Variants in FGF12 observed in about 807,000 individuals in gnomAD.
FGF12 encodes the protein fibroblast growth factor 12B.
In FGF12, 14 loss-of-function variants were observed where a neutral mutation model predicts 23.6. The ratio of observed to expected loss-of-function variants is 0.59; its 90% CI spans 0.39 to 0.93. The LOEUF (loss-of-function observed/expected upper bound fraction) is 0.93. FGF12 is among the 40% of genes least tolerant of loss of function. FGF12 has a pLI of 0.00. For missense variants in FGF12, 175 were observed against 217.8 expected (o/e 0.80, Z 1.24); for synonymous variants, 62 against 77.3 (o/e 0.80, Z 1.04).
chr3:192,698,611 A>G (rs2654708), intron 2 of FGF12, among the ~76,000 whole-genome samples: 149,915 of 152,262 alleles, frequency 0.98, 73,813 homozygotes, highest in East Asian at 1. Flanking sequence ...CAATTCCATT[A>G]AACCTTACTC....
intron 2 of FGF12, among the ~76,000 whole-genome samples, chr3:192,421,204 T>C (rs940579297): frequency 2.0e-5 from 3 of 152,160 alleles, no homozygotes; most frequent in East Asian, 3.9e-4. Context: ...TGTGTGACCA[T>C]AGAAAGGTCA....
At chr3:192,444,568 T>C (rs1022810354) in intron 2 of FGF12, among the ~76,000 whole-genome samples, 2 of 152,212 alleles carry the variant, frequency 1.3e-5, no homozygotes, top group East Asian at 1.9e-4. Context: ...TGTCATTCTA[T>C]GTTCTAAGAA....
At chr3:192,221,216 A>C (rs1258320724) in intron 4 of FGF12, among the ~76,000 whole-genome samples, 2 of 152,172 alleles carry the variant, frequency 1.3e-5, no homozygotes, top group Non-Finnish European at 2.9e-5. Context: ...AGGCTAACCC[A>C]CACACACATT....
chr3:192,225,715 A>G (rs1289678547), intron 4 of FGF12, among the ~76,000 whole-genome samples: 1 of 152,194 alleles, frequency 6.6e-6, no homozygotes, highest in African/African-American at 2.4e-5. Context: ...AACAACTGAA[A>G]TGTCCATCAA....
chr3:192,481,728 C>T (rs1043619757), intron 2 of FGF12, among the ~76,000 whole-genome samples: 2 of 152,150 alleles, frequency 1.3e-5, no homozygotes, highest in African/African-American at 4.8e-5. Context: ...AGAGTTGTAC[C>T]ACTCGACCAG....
chr3:192,454,779 T>G (rs1336151514), intron 2 of FGF12, among the ~76,000 whole-genome samples: 1 of 152,160 alleles, frequency 6.6e-6, no homozygotes, highest in Admixed American at 6.5e-5. Flanking sequence ...ACTACAGATC[T>G]GAGGAGAAAA....
chr3:192,180,540 A>G (rs1286249059), intron 4 of FGF12, among the ~76,000 whole-genome samples: 1 of 152,146 alleles, frequency 6.6e-6, no homozygotes, highest in Non-Finnish European at 1.5e-5. Flanking sequence ...CTTTCTTGGG[A>G]TAAGGATGAA....
intron 4 of FGF12, among the ~76,000 whole-genome samples, chr3:192,254,724 G>A (rs1712267837): frequency 6.6e-6 from 1 of 152,028 alleles, no homozygotes; most frequent in Admixed American, 6.6e-5. Context: ...AAGACATTAA[G>A]TGCTTACATA....
intron 2 of FGF12, among the ~76,000 whole-genome samples, chr3:192,567,791 TTCTTTCTTTC>T (rs1560153011): frequency 4.8e-5 from 6 of 124,572 alleles, no homozygotes; most frequent in South Asian, 2.8e-4. Context: ...CTTTCTTTCT[TTCTTTCTTTC>T]TCTTTCTTTC....
intron 4 of FGF12, among the ~76,000 whole-genome samples, chr3:192,221,358 T>C (rs1718467387): frequency 6.6e-6 from 1 of 152,156 alleles, no homozygotes; most frequent in African/African-American, 2.4e-5. Flanking sequence ...GATCAGCCAA[T>C]GGAAAAATGG....
At chr3:192,607,078 C>T (rs1714366720) in intron 2 of FGF12, among the ~76,000 whole-genome samples, 1 of 152,094 alleles carries the variant, frequency 6.6e-6, no homozygotes, top group Non-Finnish European at 1.5e-5. Context: ...CATTTATGCT[C>T]TGACTGATTC....
Position 192,584,587 on chromosome 3 carries a change from G to C in FGF12, c.13+142594C>G, listed in dbSNP as rs187656699. ...GTTTGGCTCTTTTAGTTGCATACCA[G>C]AATGTCAGCCACATTTTCTATATTT... On this transcript the variant is annotated intron_variant, in intron 2 of 5. Transcript: ENST00000445105. Among the ~76,000 whole-genome samples, 199 of 152,174 alleles carry C rather than the reference G, an allele frequency of 1.3e-3. 1 individual carries two copies. The highest frequency in any genetic ancestry group is 4.5e-3 in the African/African-American group (187 of 41,540).
intron 2 of FGF12, among the ~76,000 whole-genome samples, chr3:192,676,624 G>C (rs952221192): frequency 4.1e-4 from 63 of 152,180 alleles, no homozygotes; most frequent in Non-Finnish European, 1.0e-4. Context: ...ACCATATTTT[G>C]AGATAGGGCC....
intron 2 of FGF12, among the ~76,000 whole-genome samples, chr3:192,719,363 T>C (rs1205178471): frequency 2.0e-5 from 3 of 152,214 alleles, no homozygotes; most frequent in Non-Finnish European, 4.4e-5. Flanking sequence ...TTTAGTTGTC[T>C]CCTTCATGTT....
intron 2 of FGF12, among the ~76,000 whole-genome samples, chr3:192,584,671 G>A (rs911223095): frequency 2.0e-5 from 3 of 152,046 alleles, no homozygotes; most frequent in African/African-American, 7.2e-5. Flanking sequence ...TGATACTCCT[G>A]TCTCCTACCT....
At chr3:192,719,786 C>CAA (rs553013127) in intron 2 of FGF12, among the ~76,000 whole-genome samples, 78 of 102,142 alleles carry the variant, frequency 7.6e-4, no homozygotes, top group Middle Eastern at 4.7e-3. Flanking sequence ...AGACTAAGGG[C>CAA]AAAAAAAAAA....
intron 3 of FGF12, among the ~76,000 whole-genome samples, chr3:192,353,917 AC>A (rs1718346893): frequency 1.3e-5 from 2 of 152,240 alleles, no homozygotes; most frequent in Admixed American, 6.5e-5. Context: ...TTTTTGTAGT[AC>A]CTGCATGCCC....
Position 192,367,647 on chromosome 3 carries a change from T to A in FGF12, c.14-7109A>T, listed in dbSNP as rs80018708. Among the ~76,000 whole-genome samples, 217 of 152,242 alleles carry A rather than the reference T, an allele frequency of 1.4e-3. 2 individuals are homozygous for A. Among genetic ancestry groups the A allele is most frequent in the African/African-American group, 5.1e-3 (211 of 41,544 alleles). On this transcript the variant is annotated intron_variant, in intron 2 of 5. Transcript: ENST00000445105. ...TTGCAACTCTACTGATCTATGGGGATTCAGTAAAAATATATGCTATTTAGT... is the reference window on the plus strand; with the variant it reads ...TTGCAACTCTACTGATCTATGGGGAATCAGTAAAAATATATGCTATTTAGT...
At chr3:192,547,696 G>A (rs1725531253) in intron 2 of FGF12, among the ~76,000 whole-genome samples, 1 of 152,148 alleles carries the variant, frequency 6.6e-6, no homozygotes, top group Admixed American at 6.5e-5. Context: ...TCTCCAACCT[G>A]TTCTTAAAAA....
Sources: gnomAD v4.1 joint callset for allele counts (sites outside exome capture counted in the v4.1 genomes callset) on GRCh38, gnomAD v4.1.1 for gene constraint, MANE v1.5 for transcripts, NCBI Gene and HGNC (gene_info 2026-07-23, HGNC 2026-07-21) for gene names.